MACROD2: variants seen among roughly 807,000 people sequenced by gnomAD.
MACROD2 encodes mono-ADP ribosylhydrolase 2, also known as ADP-ribose glycohydrolase MACROD2.
Under a neutral mutation model 70.4 loss-of-function variants are expected in MACROD2, and 36 were observed. That is an observed-to-expected ratio of 0.51 (90% CI 0.39 to 0.68). The LOEUF (loss-of-function observed/expected upper bound fraction) is 0.68. MACROD2 is among the 30% of genes least tolerant of loss of function. The probability of loss-of-function intolerance (pLI) is 0.00; values close to 1 mark genes in which losing one functional copy is unlikely to be tolerated. For synonymous variants in MACROD2, 172 were observed against 178.8 expected, an observed-to-expected ratio of 0.96 and a Z score of 0.30; for missense variants, 496 against 538.4, an observed-to-expected ratio of 0.92 and a Z score of 0.78.
chr20:15,340,160 A>G (rs1457376009), intron 6 of MACROD2, among the ~76,000 whole-genome samples: 1 of 50,566 alleles, frequency 2.0e-5, no homozygotes, highest in Non-Finnish European at 3.7e-5. Flanking sequence ...TTTTTTTGAG[A>G]TGGAGTCTGG....
chr20:15,210,011 A>G (rs1168559316), intron 5 of MACROD2, among the ~76,000 whole-genome samples: 1 of 152,212 alleles, frequency 6.6e-6, no homozygotes, highest in Non-Finnish European at 1.5e-5. Context: ...TGATCAGCTA[A>G]CATAACCACA....
chr20:15,997,003 A>T (rs542745658), intron 15 of MACROD2, among the ~76,000 whole-genome samples: 72 of 152,184 alleles, frequency 4.7e-4, no homozygotes, highest in East Asian at 3.9e-4. Flanking sequence ...TCAAGTATTA[A>T]TTGACTTTAT....
At chr20:15,282,194 G>T (rs2077451641) in intron 6 of MACROD2, among the ~76,000 whole-genome samples, 1 of 152,210 alleles carries the variant, frequency 6.6e-6, no homozygotes, top group African/African-American at 2.4e-5. Context: ...TGTTTGTGAT[G>T]GGAGGGGCTG....
At chr20:15,245,844 A>G (rs2077100517) in intron 6 of MACROD2, among the ~76,000 whole-genome samples, 1 of 152,156 alleles carries the variant, frequency 6.6e-6, no homozygotes, top group South Asian at 2.1e-4. Flanking sequence ...GTTTATCGGG[A>G]TGTAGTTTTA....
intron 10 of MACROD2, among the ~76,000 whole-genome samples, chr20:15,930,791 T>C (rs1299527423): frequency 5.9e-5 from 9 of 152,186 alleles, no homozygotes; most frequent in African/African-American, 2.2e-4. Context: ...CTAGGTAAAC[T>C]GCCAGACTGG....
intron 4 of MACROD2, among the ~76,000 whole-genome samples, chr20:14,625,595 C>A (rs1404127803): frequency 1.3e-5 from 2 of 152,126 alleles, no homozygotes; most frequent in African/African-American, 4.8e-5. Context: ...GGCCATATGG[C>A]ATGTATTCCC....
chr20:15,676,986 CACTA>C (rs2050066262), intron 8 of MACROD2, among the ~76,000 whole-genome samples: 2 of 152,164 alleles, frequency 1.3e-5, no homozygotes, highest in Admixed American at 1.3e-4. Context: ...TTTGAATGAC[CACTA>C]ACTATTTGCA....
chr20:14,005,248 A>C (rs528564002), intron 2 of MACROD2, among the ~76,000 whole-genome samples: 2 of 152,296 alleles, frequency 1.3e-5, no homozygotes, highest in South Asian at 4.1e-4. Flanking sequence ...AGAGGAAAGA[A>C]TGGGAGATGA....
intron 8 of MACROD2, among the ~76,000 whole-genome samples, chr20:15,738,416 G>C (rs984098290): frequency 1.3e-5 from 2 of 152,066 alleles, no homozygotes; most frequent in Admixed American, 6.6e-5. Flanking sequence ...GCTGAGGAAA[G>C]GAAAAATTAA....
intron 3 of MACROD2, among the ~76,000 whole-genome samples, chr20:14,238,225 G>A (rs1297595173): frequency 2.0e-5 from 3 of 151,950 alleles, no homozygotes; most frequent in Admixed American, 6.6e-5. Context: ...GTATCCCTGG[G>A]ATGCAAAGTT....
intron 10 of MACROD2, among the ~76,000 whole-genome samples, chr20:15,909,989 T>G (rs6074966): frequency 0.032 from 4,831 of 152,054 alleles, 115 homozygotes; most frequent in Non-Finnish European, 0.038. Flanking sequence ...AGATCAAGAG[T>G]AGGTACAGTC....
At chr20:14,789,018 C>T (rs1291615354) in intron 5 of MACROD2, among the ~76,000 whole-genome samples, 1 of 151,830 alleles carries the variant, frequency 6.6e-6, no homozygotes, top group African/African-American at 2.4e-5. Flanking sequence ...ATCTGCCTGC[C>T]TCGGCCTCCC....
At chr20:15,018,292 A>C (rs186578902) in intron 5 of MACROD2, among the ~76,000 whole-genome samples, 6 of 152,224 alleles carry the variant, frequency 3.9e-5, no homozygotes, top group Admixed American at 2.6e-4. Context: ...TTGCCAAAAC[A>C]TAACAAGAGT....
intron 8 of MACROD2, among the ~76,000 whole-genome samples, chr20:15,629,000 A>G (rs1293627370): frequency 6.6e-6 from 1 of 152,196 alleles, no homozygotes; most frequent in African/African-American, 2.4e-5. Flanking sequence ...CATTTTAATT[A>G]TTCATTCTAC....
chr20:14,510,394 C>G (rs1193170965), intron 4 of MACROD2, among the ~76,000 whole-genome samples: 1 of 151,914 alleles, frequency 6.6e-6, no homozygotes, highest in African/African-American at 2.4e-5. Context: ...TGCTTGCTTC[C>G]TAAGTTACCA....
At chr20:15,170,370 G>A (rs987626487) in intron 5 of MACROD2, among the ~76,000 whole-genome samples, 3 of 152,178 alleles carry the variant, frequency 2.0e-5, no homozygotes, top group African/African-American at 7.2e-5. Context: ...TCAGAGAAAA[G>A]TCACTACCTA....
chr20:15,053,968 A>G (rs1336917219), intron 5 of MACROD2, among the ~76,000 whole-genome samples: 1 of 152,224 alleles, frequency 6.6e-6, no homozygotes, highest in African/African-American at 2.4e-5. Flanking sequence ...TCAGTGGAGA[A>G]AGTAACTGCA....
intron 8 of MACROD2, among the ~76,000 whole-genome samples, chr20:15,638,465 A>G (rs2049403895): frequency 6.6e-6 from 1 of 152,236 alleles, no homozygotes; most frequent in Admixed American, 6.5e-5. Context: ...GGTGAATGTC[A>G]TAGGCCATGA....
chr20:14,084,587 A>G (rs1482424819), intron 2 of MACROD2, among the ~76,000 whole-genome samples: 1 of 152,214 alleles, frequency 6.6e-6, no homozygotes, highest in Non-Finnish European at 1.5e-5. Context: ...TTCAAAATAA[A>G]TGGAAACTCA....
Sources: allele counts gnomAD v4.1 joint callset (sites outside exome capture counted in the v4.1 genomes callset), GRCh38; gene constraint gnomAD v4.1.1; transcripts MANE v1.5; gene names NCBI Gene and HGNC (gene_info 2026-07-23, HGNC 2026-07-21).